SHB: variants seen among roughly 807,000 people sequenced by gnomAD.
The protein encoded by SHB is SH2 domain-containing adapter protein B.
SHB carries 20 observed loss-of-function variants against 52.3 expected under a neutral mutation model. The ratio of observed to expected loss-of-function variants is 0.38; its 90% CI spans 0.27 to 0.56. The LOEUF is 0.56. SHB is among the 20% of genes least tolerant of loss of function. SHB has a pLI of 0.71. For synonymous variants in SHB, 397 were observed against 316.5 expected (o/e 1.25, Z -2.70); for missense variants, 825 against 723.3 (o/e 1.14, Z -1.61).
chr9:38,058,023 A>G (rs1821843211), intron 1 of SHB, among the ~76,000 whole-genome samples: 1 of 152,234 alleles, frequency 6.6e-6, no homozygotes, highest in African/African-American at 2.4e-5. Flanking sequence ...ATTTCAGACT[A>G]GTGGCAGGCA....
chr9:38,053,855 A>G (rs1293558379), intron 1 of SHB, among the ~76,000 whole-genome samples: 2 of 152,142 alleles, frequency 1.3e-5, no homozygotes, highest in Non-Finnish European at 2.9e-5. Flanking sequence ...CATTTCAACA[A>G]ATGATTTTAT....
At chr9:37,945,193 G>T (rs1378414798) in intron 5 of SHB, among the ~76,000 whole-genome samples, 1 of 152,226 alleles carries the variant, frequency 6.6e-6, no homozygotes, top group African/African-American at 2.4e-5. Context: ...GAATTCCAGT[G>T]TCAATTTGCA....
intron 3 of SHB, among the ~76,000 whole-genome samples, chr9:37,965,668 G>A (rs1476323261): frequency 1.3e-5 from 2 of 151,032 alleles, no homozygotes; most frequent in Admixed American, 6.6e-5. Context: ...CTCCACCTCC[G>A]GGGTTCAAGT....
chr9:38,037,644 CTG>C (rs1009004914), intron 1 of SHB, among the ~76,000 whole-genome samples: 8 of 152,218 alleles, frequency 5.3e-5, no homozygotes, highest in African/African-American at 1.9e-4. Context: ...AGGGGCTCAA[CTG>C]TGTGTCATTA....
At chr9:38,045,611 C>CA (rs199836317) in intron 1 of SHB, among the ~76,000 whole-genome samples, 2 of 150,860 alleles carry the variant, frequency 1.3e-5, no homozygotes, top group Non-Finnish European at 3.0e-5. Context: ...ACCCTGTCTC[C>CA]AAAAAAAACA....
chr9:37,962,674 GT>G (rs879541039), intron 3 of SHB, among the ~76,000 whole-genome samples: 26 of 146,570 alleles, frequency 1.8e-4, no homozygotes, highest in South Asian at 4.4e-4. Context: ...GCTGGGCTAA[GT>G]TTTTTTTTTT....
At chr9:37,996,620 G>C (rs770554160) in intron 2 of SHB, among the ~76,000 whole-genome samples, 1 of 152,214 alleles carries the variant, frequency 6.6e-6, no homozygotes, top group Non-Finnish European at 1.5e-5. Context: ...GTCCACTGAT[G>C]TGCTGGCTCT....
chr9:38,028,039 G>C (rs1442298340), intron 1 of SHB, among the ~76,000 whole-genome samples: 2 of 152,120 alleles, frequency 1.3e-5, no homozygotes, highest in African/African-American at 4.8e-5. Flanking sequence ...GTTTGAAGCA[G>C]ATAATGGCTT....
At chr9:38,055,791 T>C (rs919536134) in intron 1 of SHB, among the ~76,000 whole-genome samples, 1 of 151,974 alleles carries the variant, frequency 6.6e-6, no homozygotes, top group African/African-American at 2.4e-5. Flanking sequence ...ACTGAAACAC[T>C]CGCTTGGCTC....
chr9:38,043,016 C>A (rs1821602018), intron 1 of SHB, among the ~76,000 whole-genome samples: 1 of 152,182 alleles, frequency 6.6e-6, no homozygotes, highest in Admixed American at 6.5e-5. Flanking sequence ...CTCACCAGAC[C>A]CAACTTGTCC....
chr9:38,011,392 G>A lies in SHB; in HGVS notation c.838+4619C>T, dbSNP rs115850464. Among the ~76,000 whole-genome samples, 1,137 of 152,308 alleles carry A rather than the reference G, an allele frequency of 7.5e-3. 10 individuals are homozygous for A. Among genetic ancestry groups the A allele is most frequent in the African/African-American group, 0.025 (1,039 of 41,562 alleles). On this transcript the variant is annotated intron_variant, in intron 2 of 5. Transcript: ENST00000377707. The stretch of plus-strand genomic sequence containing the variant: ...AGACCAGAATTTGATCTTGAGAGAC[G>A]AGTCAAGGAAGATGAAAAGGGGAAA...
chr9:38,008,187 T>C (rs1005885888), intron 2 of SHB, among the ~76,000 whole-genome samples: 1 of 152,172 alleles, frequency 6.6e-6, no homozygotes, highest in Non-Finnish European at 1.5e-5. Flanking sequence ...CTGCTGCAAC[T>C]TTCCTGAAAA....
At chr9:37,936,194 C>A (rs1012197578) in intron 5 of SHB, among the ~76,000 whole-genome samples, 2 of 151,996 alleles carry the variant, frequency 1.3e-5, no homozygotes, top group African/African-American at 2.4e-5. Context: ...CCAGCCTGGG[C>A]GACAGAGCGG....
intron 2 of SHB, among the ~76,000 whole-genome samples, chr9:37,986,234 A>C (rs1587230111): frequency 1.3e-5 from 2 of 152,210 alleles, no homozygotes; most frequent in Non-Finnish European, 2.9e-5. Context: ...AAGGCTCTCC[A>C]GGAGAGGACG....
chr9:37,917,564 T>C lies in SHB; in HGVS notation c.*2257A>G, dbSNP rs1451969041. 2.6e-5 allele frequency among the ~76,000 whole-genome samples: 4 copies of C among 152,198 alleles called. No homozygotes were observed. Among genetic ancestry groups the C allele is most frequent in the Non-Finnish European group, 5.9e-5 (4 of 68,022 alleles). On this transcript the variant is annotated 3_prime_UTR_variant, in exon 6 of 6. Coordinates refer to ENST00000377707, the MANE Select transcript of SHB (RefSeq NM_003028.3). ...TCACCCTCCTCCCCCGCCGGAGGGT[T>C]GTTCCCCCTCTTCCTCAGCCTCTCT...
intron 1 of SHB, among the ~76,000 whole-genome samples, chr9:38,025,464 G>T (rs1020319103): frequency 8.5e-5 from 13 of 152,194 alleles, no homozygotes; most frequent in Non-Finnish European, 1.6e-4. Flanking sequence ...AGGAAAGCTG[G>T]TTACTAAGCC....
intron 5 of SHB, among the ~76,000 whole-genome samples, chr9:37,923,163 C>T (rs1383451675): frequency 6.6e-6 from 1 of 152,258 alleles, no homozygotes; most frequent in Non-Finnish European, 1.5e-5. Context: ...GACCTCAGCA[C>T]TCCCCAGACC....
At chr9:38,048,870 C>A (rs1821696286) in intron 1 of SHB, among the ~76,000 whole-genome samples, 1 of 152,134 alleles carries the variant, frequency 6.6e-6, no homozygotes, top group South Asian at 2.1e-4. Flanking sequence ...ACTGGGTTCC[C>A]AGGGTAACAA....
chr9:37,956,942 C>T (rs1832642559), intron 3 of SHB, among the ~76,000 whole-genome samples: 1 of 152,248 alleles, frequency 6.6e-6, no homozygotes, highest in South Asian at 2.1e-4. Context: ...TTATAAATCA[C>T]ACTTATTGTG....
Sources: allele counts gnomAD v4.1 joint callset (sites outside exome capture counted in the v4.1 genomes callset), GRCh38; gene constraint gnomAD v4.1.1; transcripts MANE v1.5; gene names NCBI Gene and HGNC (gene_info 2026-07-23, HGNC 2026-07-21).